The following EDC4 variants were observed in gnomAD, a reference collection of about 807,000 sequenced individuals.
EDC4 encodes enhancer of mRNA-decapping protein 4.
In EDC4, 64 loss-of-function variants were observed where a neutral mutation model predicts 155.8. That is an observed-to-expected ratio of 0.41 (90% CI 0.34 to 0.51). The LOEUF (loss-of-function observed/expected upper bound fraction) is 0.51. Ranked by LOEUF, EDC4 falls within the 20% of genes least tolerant of loss-of-function variation. The probability of loss-of-function intolerance (pLI) is 0.19; values close to 1 mark genes in which losing one functional copy is unlikely to be tolerated. For synonymous variants in EDC4, 684 were observed against 716.8 expected (o/e 0.95, Z 0.73); for missense variants, 1,303 against 1,812.5 (o/e 0.72, Z 5.10).
chr16:67,883,274 G>T lies in EDC4; in HGVS notation c.3849+97G>T. 1 of 1,462,692 alleles carries T rather than the reference G, an allele frequency of 6.8e-7. No individual in the cohort carries two copies. The highest frequency in any genetic ancestry group is 2.5e-5 in the East Asian group (1 of 40,204). 90.6% of individuals were successfully genotyped at this position (1,462,692 alleles called of 1,614,324 possible). ...CCACCCACCACCTTTGCACCTTCTG[G>T]CCCCAGCAGACTGTTCTTGGTTCCC... On this transcript the variant is annotated intron_variant, in intron 27 of 28. Coordinates refer to ENST00000358933, the MANE Select transcript of EDC4 (RefSeq NM_014329.5). This position sits in a 1 kb window ranked among gnomAD's most constrained non-coding sequence, Gnocchi z 5.3.
Position 67,882,726 on chromosome 16 carries a change from C to T in EDC4, c.3490C>T (p.Gln1164Ter). 6.2e-7 allele frequency: 1 copy of T among 1,614,262 alleles called. No homozygotes were observed. Among genetic ancestry groups the T allele is most frequent in the Non-Finnish European group, 8.5e-7 (1 of 1,180,038 alleles). ...SHMKSRKARE[Q>*]EAREPVLAQL... ...CATGAAGAGCCGGAAGGCACGGGAA[C>T]AGGAGGCCAGGGAGCCTGTGCTAGC... Residue 1164 changes from glutamine to a stop codon, truncating the protein, a stop_gained, in exon 26 of 29, where the codon CAG becomes TAG. Transcript: ENST00000358933. LOFTEE classifies it high-confidence loss of function. This position sits in a 1 kb window ranked among gnomAD's most constrained non-coding sequence, Gnocchi z 7.2.
rs755110219 is a variant in EDC4, at chr16:67,880,697, G to A, written c.2238G>A (p.Glu746=). ...ASTALSQDIP[E]IASEALSRGF... The stretch of plus-strand genomic sequence containing the variant: ...CTGCCCTGTCCCAGGACATCCCTGA[G>A]ATTGCATCTGAGGCCCTGTCCCGTG... Residue 746 remains glutamate, a synonymous_variant, in exon 18 of 29, where the codon GAG becomes GAA. Coordinates refer to ENST00000358933, the MANE Select transcript of EDC4 (RefSeq NM_014329.5). The surrounding 1 kb of genome is among the most constrained non-coding windows in gnomAD (Gnocchi z 5.2). The A allele has an allele frequency of 1.9e-6, 3 of 1,614,074 alleles. No individual in the cohort carries two copies. The South Asian group carries it at 3.3e-5, about 18-fold the overall frequency.
chr16:67,883,300 T>G lies in EDC4; in HGVS notation c.3849+123T>G. The G allele has an allele frequency of 2.8e-6, 4 of 1,431,128 alleles. No individual in the cohort carries two copies. Among genetic ancestry groups the G allele is most frequent in the Non-Finnish European group, 3.7e-6 (4 of 1,082,614 alleles). The allele number at this position is 1,431,128 out of a possible 1,614,324, so 88.7% of individuals were successfully genotyped here. ...CCCCAGCAGACTGTTCTTGGTTCCCTTTGGCCTCCAGGCCATTGTCCCTGC... is the reference window on the plus strand; with the variant it reads ...CCCCAGCAGACTGTTCTTGGTTCCCGTTGGCCTCCAGGCCATTGTCCCTGC... On this transcript the variant is annotated intron_variant, in intron 27 of 28. Transcript: ENST00000358933. The surrounding 1 kb of genome is among the most constrained non-coding windows in gnomAD (Gnocchi z 5.3).
intron 1 of EDC4, among the ~76,000 whole-genome samples, chr16:67,873,958 C>G (rs2058031909): frequency 6.6e-6 from 1 of 152,208 alleles, no homozygotes; most frequent in Non-Finnish European, 1.5e-5. Context: ...CGCTTTGGCT[C>G]TTAATGATAC....
rs1282883839 is a variant in EDC4, at chr16:67,876,747, G to A, written c.352-126G>A. The A allele has an allele frequency of 6.4e-7, 1 of 1,559,124 alleles. No homozygotes were observed. Among genetic ancestry groups the A allele is most frequent in the Non-Finnish European group, 8.7e-7 (1 of 1,151,300 alleles). On this transcript the variant is annotated intron_variant, in intron 3 of 28. Transcript: ENST00000358933. This position sits in a 1 kb window ranked among gnomAD's most constrained non-coding sequence, Gnocchi z 5.8. Reference sequence around the variant, plus strand: ...GGCTGGGTGCCAAGCCTCTGTGGGAGTCTGGCTCCAGGAGGTAACAGTGGG... The same window carrying A: ...GGCTGGGTGCCAAGCCTCTGTGGGAATCTGGCTCCAGGAGGTAACAGTGGG...
In EDC4 at chr16:67,877,666, C is replaced by G; in HGVS notation, c.789+10C>G. 6.2e-7 allele frequency: 1 copy of G among 1,614,110 alleles called. No individual in the cohort carries two copies. The highest frequency in any genetic ancestry group is 2.2e-5 in the East Asian group (1 of 44,878). ...GCTGCATGAAGACCGGGTGAGGGGG[C>G]TGACATGGCGAAGAGGCGCCAGAGA... On this transcript the variant is annotated intron_variant, in intron 6 of 28. Coordinates refer to ENST00000358933, the MANE Select transcript of EDC4 (RefSeq NM_014329.5). The surrounding 1 kb of genome is among the most constrained non-coding windows in gnomAD (Gnocchi z 4.9).
chr16:67,879,461 G>A lies in EDC4; in HGVS notation c.1591G>A (p.Val531Met), dbSNP rs546006235. Residue 531 changes from valine to methionine, a missense_variant, in exon 14 of 29, where the codon GTG becomes ATG. Around this residue, in one of 5 missense-constraint regions of EDC4, gnomAD observed 391 missense variants for 445.4 expected, o/e 0.88. Transcript: ENST00000358933. The surrounding 1 kb of genome is among the most constrained non-coding windows in gnomAD (Gnocchi z 6.0). ...CTTCCAGCCACAGCTGAACCCTGATGTGGTGGCCCCACTGCCCACCCACAC... is the reference window on the plus strand; with the variant it reads ...CTTCCAGCCACAGCTGAACCCTGATATGGTGGCCCCACTGCCCACCCACAC... The part of the protein sequence containing the change: ...IRFQPQLNPD[V>M]VAPLPTHTAH... The A allele has an allele frequency of 8.1e-6, 13 of 1,614,204 alleles. No homozygotes were observed. In the East Asian group the frequency reaches 2.0e-4, roughly 25 times the overall value.
Position 67,878,013 on chromosome 16 carries a change from C to A in EDC4, c.895-153C>A. 1 of 1,482,946 alleles carries A rather than the reference C, an allele frequency of 6.7e-7. No homozygotes were observed. The allele number at this position is 1,482,946 out of a possible 1,614,324, so 91.9% of individuals were successfully genotyped here. ...AGCTTTCTCCTTATCTAGCAGCACC[C>A]TGCAGGTCTGGCCTTCTCTAGGAAC... On this transcript the variant is annotated intron_variant, in intron 7 of 28. Transcript: ENST00000358933. This position sits in a 1 kb window ranked among gnomAD's most constrained non-coding sequence, Gnocchi z 5.2.
Position 67,879,866 on chromosome 16 carries a change from G to C in EDC4, c.1838G>C (p.Ser613Thr), listed in dbSNP as rs2058057709. Residue 613 changes from serine (S) to threonine (T), a missense_variant, in exon 16 of 29, where the codon AGC (serine) becomes ACC (threonine). Ser to Thr is a moderately conservative substitution (Grantham distance 58). Coordinates refer to ENST00000358933, the MANE Select transcript of EDC4 (RefSeq NM_014329.5). This position sits in a 1 kb window ranked among gnomAD's most constrained non-coding sequence, Gnocchi z 6.0. ...ASLQQITASP[S>T]SSSSGSSSSS... ...TCTCCCCAGATCACTGCCTCTCCCA[G>C]CAGCAGCAGCAGCGGTAGCAGCAGC... is the stretch of plus-strand genomic sequence containing the variant. 6.3e-7 allele frequency: 1 copy of C among 1,589,010 alleles called. No homozygotes were observed. The highest frequency in any genetic ancestry group is 1.3e-5 in the African/African-American group (1 of 74,218).
Position 67,879,359 on chromosome 16 carries a change from T to A in EDC4, c.1541+50T>A, listed in dbSNP as rs1418185424. ...GTGTCCTGTCTGTGTCTGTCTCCAC[T>A]CTACTGACCCTTGCCCTTGGAGCAC... On this transcript the variant is annotated intron_variant, in intron 13 of 28. Coordinates refer to ENST00000358933, the MANE Select transcript of EDC4 (RefSeq NM_014329.5). The surrounding 1 kb of genome is among the most constrained non-coding windows in gnomAD (Gnocchi z 6.0). 2.5e-6 allele frequency: 4 copies of A among 1,614,090 alleles called. No individual in the cohort carries two copies. Among genetic ancestry groups the A allele is most frequent in the South Asian group, 1.1e-5 (1 of 91,094 alleles).
Position 67,881,599 on chromosome 16 carries a change from G to C in EDC4, c.2826+66G>C, listed in dbSNP as rs954869189. ...CTGGGCGGGTGGAGAAGGGCTCTGG[G>C]CCATTCCCTGGTCTGGTGTGTGGGA... On this transcript the variant is annotated intron_variant, in intron 21 of 28. Coordinates refer to ENST00000358933, the MANE Select transcript of EDC4 (RefSeq NM_014329.5). The surrounding 1 kb of genome is among the most constrained non-coding windows in gnomAD (Gnocchi z 5.4). 11 of 1,612,718 alleles carry C rather than the reference G, an allele frequency of 6.8e-6. No homozygotes were observed. The African/African-American group carries it at 1.5e-4, about 22-fold the overall frequency.
rs1567389997 is a variant in EDC4 at position 67,878,660 on chromosome 16, T to C, written c.1184+29T>C. The C allele has an allele frequency of 5.6e-6, 9 of 1,614,084 alleles. No individual in the cohort carries two copies. Among genetic ancestry groups the C allele is most frequent in the Non-Finnish European group, 7.6e-6 (9 of 1,180,030 alleles). ...AGCAGTGGCTGGAAGGCTGGGGGAC[T>C]GGGCAGGGGCGGCAGGGTTGGGAAT... is the stretch of plus-strand genomic sequence containing the variant. On this transcript the variant is annotated intron_variant, in intron 10 of 28. Coordinates refer to ENST00000358933, the MANE Select transcript of EDC4 (RefSeq NM_014329.5). This position sits in a 1 kb window ranked among gnomAD's most constrained non-coding sequence, Gnocchi z 5.2.
chr16:67,873,644 A>T (rs1002632472), intron 1 of EDC4, among the ~76,000 whole-genome samples: 1 of 151,892 alleles, frequency 6.6e-6, no homozygotes, highest in African/African-American at 2.4e-5. Flanking sequence ...TGTTCCTGGG[A>T]CTGGCCTAGC....
Position 67,876,586 on chromosome 16 carries a change from G to T in EDC4, c.338G>T (p.Arg113Leu). The change falls in exon 3 of 29, where the codon CGG becomes CTG. Residue 113 changes from arginine to leucine, a missense_variant. By Grantham distance (102) the Arg-to-Leu change is moderately radical. Transcript: ENST00000358933. This position sits in a 1 kb window ranked among gnomAD's most constrained non-coding sequence, Gnocchi z 5.8. ...SSDSSISSKA[R>L]GSNKVKIQPV... ...GACTCTAGCATTTCAAGCAAGGCCC[G>T]GGGAAGCAACAAGGTAGGTACTGGG... The T allele has an allele frequency of 1.2e-6, 2 of 1,614,110 alleles. No homozygotes were observed. The highest frequency in any genetic ancestry group is 1.7e-6 in the Non-Finnish European group (2 of 1,180,006).
At chr16:67,875,778 A>C in intron 1 of EDC4, 167 bp from the exon 2 acceptor site, 1 of 1,441,304 alleles carries the variant, frequency 6.9e-7, no homozygotes, top group Non-Finnish European at 9.1e-7. Context: ...TGCCTACATC[A>C]GTGTTTATGG....
rs547872711 is a variant in EDC4 at position 67,879,186 on chromosome 16, G to T, written c.1468+49G>T. On this transcript the variant is annotated intron_variant, in intron 12 of 28. Transcript: ENST00000358933. The surrounding 1 kb of genome is among the most constrained non-coding windows in gnomAD (Gnocchi z 6.0). ...TATGTGTCCATATATCTAGGGGGTT[G>T]TGGAGGCACAGAGAGGGCCAGGGGC... 6.2e-6 allele frequency: 10 copies of T among 1,614,118 alleles called. No homozygotes were observed. The South Asian group carries it at 1.1e-4, about 18-fold the overall frequency.
Position 67,878,101 on chromosome 16 carries a change from C to T in EDC4, c.895-65C>T. 2 of 1,603,150 alleles carry T rather than the reference C, an allele frequency of 1.2e-6. No individual in the cohort carries two copies. The highest frequency in any genetic ancestry group is 8.5e-7 in the Non-Finnish European group (1 of 1,173,972). The stretch of plus-strand genomic sequence containing the variant: ...CACCGTGAGTCAGCCCAGCTCATTG[C>T]CATCCTCACTTGGGAGGGGCTTGTT... On this transcript the variant is annotated intron_variant, in intron 7 of 28. Transcript: ENST00000358933. The surrounding 1 kb of genome is among the most constrained non-coding windows in gnomAD (Gnocchi z 5.2).
rs1216567202 is a variant in EDC4, at chr16:67,884,270, G to T, written c.*122G>T. On this transcript the variant is annotated 3_prime_UTR_variant, in exon 29 of 29. Coordinates refer to ENST00000358933, the MANE Select transcript of EDC4 (RefSeq NM_014329.5). The surrounding 1 kb of genome is among the most constrained non-coding windows in gnomAD (Gnocchi z 4.1). Reference sequence around the variant, plus strand: ...GCCCCCATCTCTGGGGTGTTTGGGGGTCAGGGAGCAGGGAGCACTGGCCGT... The same window carrying T: ...GCCCCCATCTCTGGGGTGTTTGGGGTTCAGGGAGCAGGGAGCACTGGCCGT... 4 of 975,910 alleles carry T rather than the reference G, an allele frequency of 4.1e-6. No homozygotes were observed. Among genetic ancestry groups the T allele is most frequent in the Non-Finnish European group, 5.9e-6 (4 of 680,994 alleles). The allele number at this position is 975,910 out of a possible 1,614,324, so 60.5% of individuals were successfully genotyped here. A position where few individuals can be genotyped will look rare whatever the true frequency, so the allele number is the denominator to read the frequency against.
Position 67,873,084 on chromosome 16 carries a change from G to C in EDC4, c.-178G>C. ...GCTCGTGGGTGCCGGAAGTGGAGGCGGTTGGTGGGGTTGGCGGGGCTCAGC... is the reference window on the plus strand; with the variant it reads ...GCTCGTGGGTGCCGGAAGTGGAGGCCGTTGGTGGGGTTGGCGGGGCTCAGC... On this transcript the variant is annotated 5_prime_UTR_variant, in exon 1 of 29. Coordinates refer to ENST00000358933, the MANE Select transcript of EDC4 (RefSeq NM_014329.5). The C allele has an allele frequency of 6.8e-6, 3 of 442,634 alleles. No homozygotes were observed. The highest frequency in any genetic ancestry group is 1.2e-5 in the Non-Finnish European group (3 of 256,126). The allele number at this position is 442,634 out of a possible 1,614,324, so 27.4% of individuals were successfully genotyped here.
Sources: allele counts gnomAD v4.1 joint callset (sites outside exome capture counted in the v4.1 genomes callset), GRCh38; gene constraint gnomAD v4.1.1; regional missense constraint gnomAD v4.1.1; non-coding constraint Gnocchi (gnomAD v3.1); transcripts MANE v1.5; gene names NCBI Gene and HGNC (gene_info 2026-07-23, HGNC 2026-07-21).